BMPR1A: variants seen among roughly 807,000 people sequenced by gnomAD.
BMPR1A encodes the protein bone morphogenetic protein receptor type-1A.
BMPR1A carries 7 observed loss-of-function variants against 66.0 expected under a neutral mutation model. That is an observed-to-expected ratio of 0.11 (90% CI 0.06 to 0.20). The LOEUF (loss-of-function observed/expected upper bound fraction) is 0.20, where lower values mean the gene tolerates loss of function less well. Among genes scored for constraint, BMPR1A ranks in the 10% least tolerant of loss-of-function variants. The pLI is 1.00. For missense variants in BMPR1A, 408 were observed against 669.1 expected, an observed-to-expected ratio of 0.61 and a Z score of 4.31; for synonymous variants, 200 against 229.7, an observed-to-expected ratio of 0.87 and a Z score of 1.17.
chr10:86,763,790 GTTTTTTTTTT>G (rs5786745), intron 1 of BMPR1A, among the ~76,000 whole-genome samples: 1 of 117,424 alleles, frequency 8.5e-6, no homozygotes, highest in South Asian at 2.8e-4. Context: ...TTGGATAGTT[GTTTTTTTTTT>G]TTTTTTTTTG....
intron 5 of BMPR1A, among the ~76,000 whole-genome samples, chr10:86,892,811 C>T (rs115334749): frequency 0.017 from 2,459 of 148,372 alleles, 62 homozygotes; most frequent in African/African-American, 0.057. Context: ...TGCAGTTAGC[C>T]GAGATCGTTC....
At chr10:86,781,037 T>C (rs971822727) in intron 1 of BMPR1A, among the ~76,000 whole-genome samples, 4 of 151,960 alleles carry the variant, frequency 2.6e-5, no homozygotes, top group Non-Finnish European at 5.9e-5. Context: ...TAATCTAATA[T>C]ATCCCTAACA....
At chr10:86,931,298 C>CACACATATATATATATATATATATAT, downstream of BMPR1A, 18 of 90,832 alleles carry the variant, frequency 2.0e-4, no homozygotes, top group African/African-American at 1.2e-3. Flanking sequence ...CACACACACA[C>CACACATATATATATATATATATATAT]ATATATATAT....
In BMPR1A at chr10:86,763,249, A is replaced by G. The variant is rs550389027; in HGVS notation, c.-268+6330A>G. 3.3e-5 allele frequency among the ~76,000 whole-genome samples: 5 copies of G among 152,270 alleles called. No individual in the cohort carries two copies. In the East Asian group the frequency reaches 5.8e-4, roughly 18 times the overall value. On this transcript the variant is annotated intron_variant, in intron 1 of 12. Transcript: ENST00000372037. ...CAGCTTTTTAAAAATTTTAAAGGCA[A>G]TACATCTATTGTGGGTAATTTGGGA...
chr10:86,922,353 G>A (rs1277310819), intron 11 of BMPR1A, among the ~76,000 whole-genome samples: 1 of 152,172 alleles, frequency 6.6e-6, no homozygotes, highest in Non-Finnish European at 1.5e-5. Flanking sequence ...GAACAGTGCT[G>A]CAGCAAACAT....
intron 1 of BMPR1A, among the ~76,000 whole-genome samples, chr10:86,772,396 C>T (rs1028787431): frequency 2.0e-5 from 3 of 152,142 alleles, no homozygotes; most frequent in East Asian, 1.9e-4. Flanking sequence ...TCCCAAAGTG[C>T]TGGGATTACA....
At chr10:86,898,861 C>T (rs1843267202) in intron 5 of BMPR1A, among the ~76,000 whole-genome samples, 1 of 152,078 alleles carries the variant, frequency 6.6e-6, no homozygotes, top group Admixed American at 6.5e-5. Context: ...TAACTTTTTT[C>T]TCTCTCTCCT....
chr10:86,757,915 A>G (rs1847904559), intron 1 of BMPR1A, among the ~76,000 whole-genome samples: 1 of 152,232 alleles, frequency 6.6e-6, no homozygotes, highest in African/African-American at 2.4e-5. Context: ...TTTTACGTTT[A>G]GGAACATTTT....
chr10:86,815,768 G>A (rs757877839), intron 1 of BMPR1A, among the ~76,000 whole-genome samples: 10 of 152,170 alleles, frequency 6.6e-5, no homozygotes, highest in African/African-American at 1.4e-4. Context: ...CTTAGTGCTC[G>A]TCCACATCTA....
chr10:86,876,228 C>G, intron 3 of BMPR1A, 143 bp downstream of exon 3: 4 of 737,046 alleles, frequency 5.4e-6, no homozygotes, highest in Non-Finnish European at 9.4e-6. Context: ...AGATGAAACA[C>G]GTGCCAAATA....
intron 1 of BMPR1A, among the ~76,000 whole-genome samples, chr10:86,759,323 T>C (rs187448012): frequency 5.9e-5 from 9 of 152,374 alleles, no homozygotes; most frequent in Non-Finnish European, 1.0e-4. Flanking sequence ...TCTATGTCTC[T>C]AGTCCCTTAG....
At chr10:86,765,361 G>A (rs762876771) in intron 1 of BMPR1A, among the ~76,000 whole-genome samples, 3 of 151,206 alleles carry the variant, frequency 2.0e-5, no homozygotes, top group Non-Finnish European at 4.4e-5. Context: ...TGGCACGCCT[G>A]TAATCCCAGG....
At chr10:86,779,897 C>G (rs1841409170) in intron 1 of BMPR1A, among the ~76,000 whole-genome samples, 1 of 152,134 alleles carries the variant, frequency 6.6e-6, no homozygotes, top group Admixed American at 6.6e-5. Context: ...CCACCATGCT[C>G]TGCCCTTCTT....
At chr10:86,764,076 C>T (rs1841124388) in intron 1 of BMPR1A, among the ~76,000 whole-genome samples, 1 of 152,156 alleles carries the variant, frequency 6.6e-6, no homozygotes, top group African/African-American at 2.4e-5. Flanking sequence ...CAGGCGTGAG[C>T]CACCACATCT....
At chr10:86,799,634 C>T (rs1165938100) in intron 1 of BMPR1A, among the ~76,000 whole-genome samples, 2 of 151,796 alleles carry the variant, frequency 1.3e-5, no homozygotes, top group African/African-American at 4.8e-5. Flanking sequence ...TCACTGCAAC[C>T]TCTGCCTCTT....
rs1589768063 is a variant in BMPR1A at position 86,899,861 on chromosome 10, T to C, written c.401T>C (p.Leu134Ser). The C allele has an allele frequency of 6.2e-7, 1 of 1,614,206 alleles. No individual in the cohort carries two copies. The highest frequency in any genetic ancestry group is 8.5e-7 in the Non-Finnish European group (1 of 1,180,022). ...CGGACCAATTTATGTAACCAGTATT[T>C]GCAACCCACACTGCCCCCTGTTGTC... ...CCRTNLCNQY[L>S]QPTLPPVVIG... The change falls in exon 6 of 13, where the codon TTG becomes TCG. Residue 134 changes from leucine (L) to serine (S), a missense_variant. Leu to Ser is a moderately radical substitution (Grantham distance 145). Coordinates refer to ENST00000372037, the MANE Select transcript of BMPR1A (RefSeq NM_004329.3).
intron 8 of BMPR1A, among the ~76,000 whole-genome samples, chr10:86,915,877 A>G (rs1268365151): frequency 6.6e-6 from 1 of 152,358 alleles, no homozygotes. Flanking sequence ...AATGCTTCTG[A>G]AAATGAAAGA....
chr10:86,921,718 A>C (rs368711479), intron 11 of BMPR1A, 23 bp downstream of exon 11: 21 of 1,613,934 alleles, frequency 1.3e-5, no homozygotes, highest in Non-Finnish European at 1.7e-5. Flanking sequence ...GTAGTTTCTG[A>C]TTATGTTGAT....
chr10:86,815,234 G>A (rs1041209383), intron 1 of BMPR1A, among the ~76,000 whole-genome samples: 8 of 152,126 alleles, frequency 5.3e-5, no homozygotes, highest in African/African-American at 1.7e-4. Flanking sequence ...TTATTTTTCC[G>A]TTATGAAACA....
Sources: gnomAD v4.1 joint callset for allele counts (sites outside exome capture counted in the v4.1 genomes callset) on GRCh38, gnomAD v4.1.1 for gene constraint, MANE v1.5 for transcripts, NCBI Gene and HGNC (gene_info 2026-07-23, HGNC 2026-07-21) for gene names.